The following TMEM8B variants were observed in gnomAD, a reference collection of about 807,000 sequenced individuals.
TMEM8B encodes the protein nasopharyngeal carcinoma expressed 6.
A neutral mutation model predicts 49.3 loss-of-function variants in TMEM8B; 29 were observed. The ratio of observed to expected loss-of-function variants is 0.59; its 90% CI spans 0.44 to 0.80. The LOEUF (loss-of-function observed/expected upper bound fraction) is 0.80. TMEM8B is among the 30% of genes least tolerant of loss of function. The pLI, the probability that TMEM8B is intolerant of heterozygous loss-of-function variation, is 0.00. For missense variants in TMEM8B, 575 were observed against 658.5 expected (o/e 0.87, Z 1.39); for synonymous variants, 264 against 272.8 (o/e 0.97, Z 0.32).
chr9:35,833,260 C>T, intron 1 of TMEM8B: 2 of 963,572 alleles, frequency 2.1e-6, no homozygotes, highest in Non-Finnish European at 2.5e-6. Context: ...CTGAAAATGC[C>T]CCTCCAGAGT....
intron 3 of TMEM8B, among the ~76,000 whole-genome samples, chr9:35,838,786 T>C (rs1830685509): frequency 6.6e-6 from 1 of 152,228 alleles, no homozygotes; most frequent in Non-Finnish European, 1.5e-5. Flanking sequence ...CACCCATTGC[T>C]CAAGCCCCAA....
chr9:35,854,201 T>C lies in TMEM8B; in HGVS notation c.*361T>C. 3.7e-6 allele frequency: 1 copy of C among 267,436 alleles called. No individual in the cohort carries two copies. Among genetic ancestry groups the C allele is most frequent in the Non-Finnish European group, 6.3e-6 (1 of 157,828 alleles). 16.6% of individuals were successfully genotyped at this position (267,436 alleles called of 1,614,324 possible). ...AGCCCTGTCAGGAGCACAGCATCTT[T>C]CCAGAGGAGGTGGAGTCTATCTTGG... On this transcript the variant is annotated 3_prime_UTR_variant, in exon 13 of 13. Transcript: ENST00000643932.
At position 35,835,199 on chromosome 9, in the gene TMEM8B, A is replaced by G. The variant is rs1328764545; in HGVS notation, c.887A>G (p.His296Arg). The stretch of plus-strand genomic sequence containing the variant: ...TTGGCTGCCCACCTTCCCCAGGCCC[A>G]CGGCCACATCTCTGTCAAGGTGGGT... ...WFLAAHLPQA[H>R]GHISVKGLQD... The change falls in exon 3 of 13, where the codon CAC becomes CGC. Residue 296 changes from histidine (H) to arginine (R), a missense_variant. His to Arg is a conservative substitution (Grantham distance 29). Transcript: ENST00000643932. 1 of 415,478 alleles carries G rather than the reference A, an allele frequency of 2.4e-6. No individual in the cohort carries two copies. Among genetic ancestry groups the G allele is most frequent in the Non-Finnish European group, 4.4e-6 (1 of 226,382 alleles). The allele number at this position is 415,478 out of a possible 1,614,324, so 25.7% of individuals were successfully genotyped here. A position where few individuals can be genotyped will look rare whatever the true frequency, so the allele number is the denominator to read the frequency against.
At chr9:35,832,130 T>C (rs982964587) in intron 1 of TMEM8B, among the ~76,000 whole-genome samples, 1 of 151,952 alleles carries the variant, frequency 6.6e-6, no homozygotes, top group Admixed American at 6.6e-5. Context: ...GTGCTATTAC[T>C]AGCAGGGCCA....
chr9:35,843,930 T>C (rs1831263664), intron 6 of TMEM8B, among the ~76,000 whole-genome samples: 1 of 151,744 alleles, frequency 6.6e-6, no homozygotes, highest in Non-Finnish European at 1.5e-5. Context: ...ACCCAGCTAA[T>C]TTTTTGTATT....
intron 6 of TMEM8B, chr9:35,845,745 T>G (rs981659857): frequency 1.0e-6 from 1 of 985,364 alleles, no homozygotes; most frequent in African/African-American, 1.7e-5. Flanking sequence ...GATTCAAAAT[T>G]GGGCCTTGCC....
chr9:35,846,183 G>C lies in TMEM8B; in HGVS notation c.1730-75G>C, dbSNP rs1588161785. On this transcript the variant is annotated intron_variant, in intron 7 of 12. Transcript: ENST00000643932. ...GAATGATAGGCTAGGGTTCCGGGAA[G>C]TGGGAGCAGGTGGGTGAGGGTTCTT... The C allele has an allele frequency of 3.7e-6, 6 of 1,607,036 alleles. No individual in the cohort carries two copies. In the East Asian group the frequency reaches 1.3e-4, roughly 36 times the overall value.
At position 35,841,469 on chromosome 9, in the gene TMEM8B, C is replaced by G. The variant is rs1588146604; in HGVS notation, c.1041-57C>G. On this transcript the variant is annotated intron_variant, in intron 4 of 12. Transcript: ENST00000643932. This position sits in a 1 kb window ranked among gnomAD's most constrained non-coding sequence, Gnocchi z 5.9. ...CCTCCTTCCTAGTGCTTCCCTTGCC[C>G]TGTGTTCCTCTCGCCTCTGTTTGTG... 1 of 414,452 alleles carries G rather than the reference C, an allele frequency of 2.4e-6. No individual in the cohort carries two copies. Among genetic ancestry groups the G allele is most frequent in the East Asian group, 3.6e-5 (1 of 28,096 alleles). The allele number at this position is 414,452 out of a possible 1,614,324, so 25.7% of individuals were successfully genotyped here.
Position 35,835,056 on chromosome 9 carries a change from A to G in TMEM8B, c.744A>G (p.Thr248=). The part of the protein sequence containing the change: ...GAPPVINPLH[T]HFPGDTAVPG... ...CCCCTGTCATCAATCCCCTGCATAC[A>G]CACTTCCCAGGGGACACAGCTGTGC... Residue 248 remains threonine (T), a synonymous_variant, in exon 3 of 13, where the codon ACA becomes ACG. Transcript: ENST00000643932. 1 of 415,570 alleles carries G rather than the reference A, an allele frequency of 2.4e-6. No homozygotes were observed. The highest frequency in any genetic ancestry group is 4.4e-6 in the Non-Finnish European group (1 of 226,366). 25.7% of individuals were successfully genotyped at this position (415,570 alleles called of 1,614,324 possible). A position where few individuals can be genotyped will look rare whatever the true frequency, so the allele number is the denominator to read the frequency against.
At chr9:35,830,655 G>GTT (rs5897618) in intron 1 of TMEM8B, among the ~76,000 whole-genome samples, 42 of 151,242 alleles carry the variant, frequency 2.8e-4, no homozygotes, top group East Asian at 1.4e-3. Context: ...ATACTAGTGT[G>GTT]TTTTTTTTTA....
chr9:35,853,428 G>A lies in TMEM8B; in HGVS notation c.2440-77G>A. Reference sequence around the variant, plus strand: ...TTTAGGTCACAACCAGGATACAGAGGAAACCTGAGAGTGACCAGCTCTGGC... The same window carrying A: ...TTTAGGTCACAACCAGGATACAGAGAAAACCTGAGAGTGACCAGCTCTGGC... On this transcript the variant is annotated intron_variant, in intron 12 of 12. Transcript: ENST00000643932. The surrounding 1 kb of genome is among the most constrained non-coding windows in gnomAD (Gnocchi z 4.2). 2 of 1,545,294 alleles carry A rather than the reference G, an allele frequency of 1.3e-6. No individual in the cohort carries two copies. Among genetic ancestry groups the A allele is most frequent in the Non-Finnish European group, 1.7e-6 (2 of 1,148,512 alleles).
In TMEM8B at chr9:35,860,741, G is replaced by A. The variant is rs1832636011; in HGVS notation, c.*6901G>A. ...ACAGGACTGAACTGTGGTCATGAAA[G>A]CCAAGCAACTTACTTTCTGGCCTCC... is the stretch of plus-strand genomic sequence containing the variant. On this transcript the variant is annotated 3_prime_UTR_variant, in exon 13 of 13. Coordinates refer to ENST00000643932, the MANE Select transcript of TMEM8B (RefSeq NM_001042590.4). 6.6e-6 allele frequency: 1 copy of A among 152,246 alleles called. No individual in the cohort carries two copies. Among genetic ancestry groups the A allele is most frequent in the Non-Finnish European group, 1.5e-5 (1 of 68,046 alleles). The allele number at this position is 152,246 out of a possible 1,614,324, so 9.4% of individuals were successfully genotyped here.
intron 6 of TMEM8B, among the ~76,000 whole-genome samples, chr9:35,844,802 A>G (rs936201551): frequency 6.6e-6 from 1 of 152,114 alleles, no homozygotes; most frequent in Non-Finnish European, 1.5e-5. Context: ...ATTCCCATCC[A>G]TTCACTTTAA....
At chr9:35,848,734 G>A (rs1333872696) in intron 10 of TMEM8B, among the ~76,000 whole-genome samples, 1 of 150,104 alleles carries the variant, frequency 6.7e-6, no homozygotes, top group African/African-American at 2.5e-5. Context: ...GAGTGCAGTG[G>A]CGCGATCTTA....
chr9:35,849,511 A>G lies in TMEM8B; in HGVS notation c.2175+2516A>G, dbSNP rs77520802. The stretch of plus-strand genomic sequence containing the variant: ...ACTGTTATAGTTGATACATGCTTTT[A>G]TTCTTGTCATCCTTTTTTTGTAGAT... On this transcript the variant is annotated intron_variant, in intron 10 of 12. Transcript: ENST00000643932. Among the ~76,000 whole-genome samples the G allele has an allele frequency of 8.8e-3, 1,333 of 152,284 alleles. 20 individuals carry two copies. Among genetic ancestry groups the G allele is most frequent in the African/African-American group, 0.031 (1,279 of 41,542 alleles).
chr9:35,853,543 C>A lies in TMEM8B; in HGVS notation c.2478C>A (p.Pro826=). ...TCCGCCGCCGGCACTGCTACCCACCCACGTGGCGCCGCTGGCTTTTCTACT... is the reference window on the plus strand; with the variant it reads ...TCCGCCGCCGGCACTGCTACCCACCAACGTGGCGCCGCTGGCTTTTCTACT... ...RSVRRRHCYP[P]TWRRWLFYLC... The change falls in exon 13 of 13, where the codon CCC becomes CCA. Residue 826 remains proline (P), a synonymous_variant. Coordinates refer to ENST00000643932, the MANE Select transcript of TMEM8B (RefSeq NM_001042590.4). This position sits in a 1 kb window ranked among gnomAD's most constrained non-coding sequence, Gnocchi z 4.2. The A allele has an allele frequency of 6.2e-7, 1 of 1,614,134 alleles. No homozygotes were observed. Among genetic ancestry groups the A allele is most frequent in the Non-Finnish European group, 8.5e-7 (1 of 1,180,014 alleles).
intron 1 of TMEM8B, among the ~76,000 whole-genome samples, chr9:35,833,960 T>C (rs576467857): frequency 7.5e-4 from 114 of 151,824 alleles, no homozygotes; most frequent in Non-Finnish European, 1.4e-3. Context: ...AGTTACACAG[T>C]TCCATGCTGA....
At chr9:35,835,397 T>C in intron 3 of TMEM8B, 179 bp downstream of exon 3, 1 of 397,046 alleles carries the variant, frequency 2.5e-6, no homozygotes, top group Non-Finnish European at 4.5e-6. Context: ...GGCCATGATC[T>C]GGAGGAGGCA....
At chr9:35,834,438 T>A in intron 1 of TMEM8B, 23 bp from the exon 2 acceptor site, 1 of 414,334 alleles carries the variant, frequency 2.4e-6, no homozygotes, top group African/African-American at 2.1e-5. Context: ...GCCCTGCTCC[T>A]TTCTCTCTCT....
Sources: allele counts gnomAD v4.1 joint callset (sites outside exome capture counted in the v4.1 genomes callset), GRCh38; gene constraint gnomAD v4.1.1; non-coding constraint Gnocchi (gnomAD v3.1); transcripts MANE v1.5; gene names NCBI Gene and HGNC (gene_info 2026-07-23, HGNC 2026-07-21).